The following PAGE2B variants were observed in gnomAD, a reference collection of about 807,000 sequenced individuals.
PAGE2B encodes the protein PAGE family member 2B.
A neutral mutation model predicts 7.6 loss-of-function variants in PAGE2B; 5 were observed. That is an observed-to-expected ratio of 0.66 (90% CI 0.34 to 1.38). The LOEUF (loss-of-function observed/expected upper bound fraction) is 1.38. PAGE2B is among the 40% of genes most tolerant of loss of function. The pLI, the probability that PAGE2B is intolerant of heterozygous loss-of-function variation, is 0.04. For missense variants in PAGE2B, 70 were observed against 78.4 expected, an observed-to-expected ratio of 0.89 and a Z score of 0.41; for synonymous variants, 29 against 26.7, an observed-to-expected ratio of 1.09 and a Z score of -0.27.
chrX:55,039,563 T>A, the PAGE2B span, among the ~76,000 whole-genome samples: 138 of 109,889 alleles, frequency 1.3e-3, no homozygotes, highest in African/African-American at 4.3e-3. Context: ...GAAACCCTAA[T>A]GGTATTTTTT....
At chrX:55,053,289 A>T in the PAGE2B span, among the ~76,000 whole-genome samples, 3 of 111,961 alleles carry the variant, frequency 2.7e-5, no homozygotes, top group Non-Finnish European at 5.6e-5. Context: ...CAAGCACCGC[A>T]TGTTCTCACT....
At chrX:55,037,853 A>G in the PAGE2B span, among the ~76,000 whole-genome samples, 2 of 93,635 alleles carry the variant, frequency 2.1e-5, no homozygotes, top group Admixed American at 2.6e-4. Flanking sequence ...TTGAACAATG[A>G]GAACACATGG....
chrX:55,075,599 C>T (rs942721957), intron 1 of PAGE2B, among the ~76,000 whole-genome samples: 3 of 110,930 alleles, frequency 2.7e-5, no homozygotes, highest in African/African-American at 9.9e-5. Flanking sequence ...TTCTCACCTC[C>T]GCCATGGACG....
chrX:55,061,022 T>A, the PAGE2B span, among the ~76,000 whole-genome samples: 1 of 110,989 alleles, frequency 9.0e-6, no homozygotes, highest in Non-Finnish European at 1.9e-5. Flanking sequence ...TTTAAAATTA[T>A]TTAGTAAATC....
upstream of PAGE2B, among the ~76,000 whole-genome samples, chrX:55,073,522 C>T (rs1356420401): frequency 8.9e-6 from 1 of 111,910 alleles, no homozygotes; most frequent in Non-Finnish European, 1.9e-5. Context: ...CAGATCCCCG[C>T]AACCATCCCA....
chrX:55,076,219 T>C, intron 2 of PAGE2B, 94 bp downstream of exon 2: 1 of 989,786 alleles, frequency 1.0e-6, no homozygotes, highest in Non-Finnish European at 1.4e-6. Flanking sequence ...AGGTGTTCCA[T>C]GCTGATAAAA....
chrX:55,076,654 A>C lies in PAGE2B; in HGVS notation c.170A>C (p.Asn57Thr). Residue 57 changes from asparagine to threonine, a missense_variant, in exon 3 of 5, where the codon AAT becomes ACT. Transcript: ENST00000374971. The part of the protein sequence containing the change: ...QGIAPSGEIE[N>T]EGAPAVQGPD... ...ATTGCACCTAGTGGGGAGATCGAAA[A>C]TGAAGGAGCACCTGCCGTTCAAGGT... The C allele has an allele frequency of 8.3e-7, 1 of 1,207,441 alleles. No individual in the cohort carries two copies. Among genetic ancestry groups the C allele is most frequent in the Non-Finnish European group, 1.1e-6 (1 of 893,639 alleles).
At chrX:55,042,981 G>C in the PAGE2B span, among the ~76,000 whole-genome samples, 1 of 110,920 alleles carries the variant, frequency 9.0e-6, no homozygotes, top group Non-Finnish European at 1.9e-5. Context: ...ACATGGTACT[G>C]GTATAAAAAT....
chrX:55,028,127 C>A, the PAGE2B span, among the ~76,000 whole-genome samples: 1 of 111,205 alleles, frequency 9.0e-6, no homozygotes, highest in African/African-American at 3.3e-5. Context: ...TACCTCATAT[C>A]TGGAGATATG....
At chrX:55,069,431 T>C in the PAGE2B span, among the ~76,000 whole-genome samples, 1 of 111,704 alleles carries the variant, frequency 9.0e-6, no homozygotes, top group East Asian at 2.8e-4. Flanking sequence ...TGCTGCTGGA[T>C]TCAGTTTGCC....
chrX:55,043,968 AAATAAT>A, the PAGE2B span, among the ~76,000 whole-genome samples: 356 of 102,683 alleles, frequency 3.5e-3, 3 homozygotes, highest in African/African-American at 0.012. Flanking sequence ...CTCTGTCTCT[AAATAAT>A]AATAATAATA....
upstream of PAGE2B, among the ~76,000 whole-genome samples, chrX:55,072,632 G>A (rs770944744): frequency 1.6e-4 from 18 of 112,270 alleles, no homozygotes; most frequent in East Asian, 2.8e-3. Flanking sequence ...CAGAGACGGC[G>A]GGCAGGAACA....
At chrX:55,046,185 C>T in the PAGE2B span, among the ~76,000 whole-genome samples, 1 of 111,533 alleles carries the variant, frequency 9.0e-6, no homozygotes, top group Non-Finnish European at 1.9e-5. Context: ...ACGATCTTGG[C>T]TCACTGCAAC....
chrX:55,032,539 C>A, the PAGE2B span, among the ~76,000 whole-genome samples: 3 of 111,167 alleles, frequency 2.7e-5, no homozygotes, highest in African/African-American at 9.8e-5. Context: ...TCACCCAAGT[C>A]ACCAAGTCAC....
intron 1 of PAGE2B, 58 bp downstream of exon 1, chrX:55,075,172 C>T: frequency 8.1e-6 from 1 of 123,440 alleles, no homozygotes; most frequent in South Asian, 2.3e-4. Flanking sequence ...TGTGGAGGAG[C>T]CAGCTGGCTT....
upstream of PAGE2B, among the ~76,000 whole-genome samples, chrX:55,074,369 T>C (rs1385082609): frequency 8.9e-6 from 1 of 112,090 alleles, no homozygotes; most frequent in East Asian, 2.8e-4. Flanking sequence ...TCAAATATAA[T>C]TTAAGCTACA....
chrX:55,044,687 C>G, the PAGE2B span: 1 of 111,693 alleles, frequency 9.0e-6, no homozygotes, highest in African/African-American at 3.3e-5. Context: ...AGGCAAGACA[C>G]CAGGCTTGAA....
the PAGE2B span, among the ~76,000 whole-genome samples, chrX:55,048,884 A>C: frequency 8.9e-6 from 1 of 111,800 alleles, no homozygotes; most frequent in South Asian, 3.8e-4. Flanking sequence ...GTCTTGTGCC[A>C]GTTTTCAAAG....
chrX:55,036,756 A>C, the PAGE2B span, among the ~76,000 whole-genome samples: 3 of 109,467 alleles, frequency 2.7e-5, no homozygotes, highest in African/African-American at 1.0e-4. Context: ...GTATATCTAC[A>C]ACCATCTGAT....
Sources: allele counts gnomAD v4.1 joint callset (sites outside exome capture counted in the v4.1 genomes callset), GRCh38; gene constraint gnomAD v4.1.1; transcripts MANE v1.5; gene names NCBI Gene and HGNC (gene_info 2026-07-23, HGNC 2026-07-21).